ADCY10: variants seen among roughly 807,000 people sequenced by gnomAD.
ADCY10 encodes adenylate cyclase type 10.
Under a neutral mutation model 183.3 loss-of-function variants are expected in ADCY10, and 156 were observed. That is an observed-to-expected ratio of 0.85 (90% confidence interval 0.75 to 0.97). The LOEUF is 0.97. Among genes scored for constraint, ADCY10 ranks in the 50% least tolerant of loss-of-function variants. ADCY10 has a pLI of 0.00. For synonymous variants in ADCY10, 645 were observed against 670.0 expected (o/e 0.96, Z 0.58); for missense variants, 1,745 against 1,934.3 (o/e 0.90, Z 1.84).
At chr1:167,882,420 G>A (rs1001774804) in intron 9 of ADCY10, among the ~76,000 whole-genome samples, 1 of 147,764 alleles carries the variant, frequency 6.8e-6, no homozygotes. Flanking sequence ...GGGAGGCGGA[G>A]GTTTCAGTGA....
intron 26 of ADCY10, among the ~76,000 whole-genome samples, chr1:167,825,700 G>A (rs1164374003): frequency 6.6e-6 from 1 of 152,160 alleles, no homozygotes; most frequent in Non-Finnish European, 1.5e-5. Context: ...TGTTTGGGAG[G>A]ATCACTTGAG....
In ADCY10 at chr1:167,853,830, C is replaced by CTTTTTTTTTTTTTTTTTTT. The variant is rs538462140; in HGVS notation, c.2308+504_2308+522dup. 1.4e-3 allele frequency among the ~76,000 whole-genome samples: 108 copies of CTTTTTTTTTTTTTTTTTTT among 77,186 alleles called. 12 individuals are homozygous for CTTTTTTTTTTTTTTTTTTT. Among genetic ancestry groups the CTTTTTTTTTTTTTTTTTTT allele is most frequent in the Middle Eastern group, 9.1e-3 (1 of 110 alleles). 50.6% of individuals were successfully genotyped at this position (77,186 alleles called of 152,430 possible). ...TGTTCTTTCATTTCTACTATAGTTA[C>CTTTTTTTTTTTTTTTTTTT]TTTTTTTTTTTTTTTTTTTTTTTTT... On this transcript the variant is annotated intron_variant, in intron 18 of 32. Transcript: ENST00000367851.
rs774101745 is a variant in ADCY10, at chr1:167,830,735, T to C, written c.3594-1312A>G. On this transcript the variant is annotated intron_variant, in intron 25 of 32. Coordinates refer to ENST00000367851, the MANE Select transcript of ADCY10 (RefSeq NM_018417.6). Reference sequence around the variant, plus strand: ...TAACTATTGCATTTTGAAAGGAAAATATCTTGGGCCCCCAAAATCACTAAG... The same window carrying C: ...TAACTATTGCATTTTGAAAGGAAAACATCTTGGGCCCCCAAAATCACTAAG... Among the ~76,000 whole-genome samples the C allele has an allele frequency of 3.9e-5, 6 of 152,226 alleles. No individual in the cohort carries two copies. In the South Asian group the frequency reaches 6.2e-4, roughly 16 times the overall value.
chr1:167,872,437 G>A lies in ADCY10; in HGVS notation c.1463-2027C>T, dbSNP rs1014267407. 7.3e-5 allele frequency among the ~76,000 whole-genome samples: 11 copies of A among 151,350 alleles called. No homozygotes were observed. The East Asian group carries it at 9.7e-4, about 13-fold the overall frequency. On this transcript the variant is annotated intron_variant, in intron 13 of 32. Coordinates refer to ENST00000367851, the MANE Select transcript of ADCY10 (RefSeq NM_018417.6). The stretch of plus-strand genomic sequence containing the variant: ...GTTCTATTCATACAGAACACCTACT[G>A]GTAGAACCTTATGGAGTATCTTTAG...
Position 167,818,264 on chromosome 1 carries a change from A to T in ADCY10, c.4290T>A (p.Tyr1430Ter). The T allele has an allele frequency of 6.2e-7, 1 of 1,613,858 alleles. No homozygotes were observed. The highest frequency in any genetic ancestry group is 1.1e-5 in the South Asian group (1 of 91,080). The stretch of plus-strand genomic sequence containing the variant: ...AGTTGTCCCATTCCTGAAGTCTGGC[A>T]TACCTGCATTACCACAAGAGAATAA... ...LGLYSSVAIW[Y>*]ARLQEWDNFY... The change falls in exon 31 of 33, where the codon TAT (tyrosine) becomes TAA (stop). Residue 1430 changes from tyrosine (Y) to a stop codon, truncating the protein, a stop_gained. Transcript: ENST00000367851. LOFTEE classifies it high-confidence loss of function.
Position 167,829,325 on chromosome 1 carries a change from G to A in ADCY10, c.3692C>T (p.Ala1231Val). Reference protein sequence around the residue: ...YSYLFHCKYYAHLAVMMQMNT... With the variant: ...YSYLFHCKYYVHLAVMMQMNT... The stretch of plus-strand genomic sequence containing the variant: ...CATTTGCATCATAACTGCCAGGTGG[G>A]CATAATACTTGCAGTGAAAAAGATA... The change falls in exon 26 of 33, where the codon GCC (alanine) becomes GTC (valine). Residue 1231 changes from alanine to valine, a missense_variant. By Grantham distance (64) the Ala-to-Val change is moderately conservative. Coordinates refer to ENST00000367851, the MANE Select transcript of ADCY10 (RefSeq NM_018417.6). 1 of 1,614,116 alleles carries A rather than the reference G, an allele frequency of 6.2e-7. No individual in the cohort carries two copies. The highest frequency in any genetic ancestry group is 1.1e-5 in the South Asian group (1 of 91,082).
At chr1:167,832,343 A>T (rs1390243589) in intron 25 of ADCY10, among the ~76,000 whole-genome samples, 2 of 152,158 alleles carry the variant, frequency 1.3e-5, no homozygotes, top group East Asian at 3.9e-4. Context: ...TGCACTCAAC[A>T]CCTACCTTCA....
intron 30 of ADCY10, among the ~76,000 whole-genome samples, chr1:167,819,711 C>A (rs769240830): frequency 1.1e-4 from 17 of 151,916 alleles, no homozygotes; most frequent in Non-Finnish European, 2.1e-4. Context: ...TACAGGCATG[C>A]GCCACCATGC....
intron 1 of ADCY10, among the ~76,000 whole-genome samples, chr1:167,910,172 C>T (rs1267551400): frequency 6.6e-6 from 1 of 152,210 alleles, no homozygotes; most frequent in Non-Finnish European, 1.5e-5. Context: ...TTGTCTGTGG[C>T]TCGTCCTGCT....
At chr1:167,825,650 T>A (rs1663231272) in intron 26 of ADCY10, among the ~76,000 whole-genome samples, 1 of 152,086 alleles carries the variant, frequency 6.6e-6, no homozygotes, top group South Asian at 2.1e-4. Context: ...GCCAGCATGA[T>A]GACACAAGCC....
intron 16 of ADCY10, among the ~76,000 whole-genome samples, chr1:167,858,555 A>G (rs1666069620): frequency 6.6e-6 from 1 of 151,660 alleles, no homozygotes; most frequent in Admixed American, 6.6e-5. Flanking sequence ...AGAGAGAAAC[A>G]GATATATAAG....
intron 1 of ADCY10, among the ~76,000 whole-genome samples, chr1:167,912,813 A>T (rs937818434): frequency 6.6e-6 from 1 of 152,204 alleles, no homozygotes; most frequent in African/African-American, 2.4e-5. Flanking sequence ...AATTCTACAT[A>T]GGTTGCCTCA....
chr1:167,913,439 T>A (rs991900083), intron 1 of ADCY10, among the ~76,000 whole-genome samples: 2 of 152,226 alleles, frequency 1.3e-5, no homozygotes, highest in African/African-American at 4.8e-5. Context: ...GGCACAGTGT[T>A]ACCTGTCATG....
At position 167,846,012 on chromosome 1, in the gene ADCY10, A is replaced by G. The variant is rs1055846495; in HGVS notation, c.2689T>C (p.Leu897=). The change falls in exon 20 of 33, where the codon TTG becomes CTG. Residue 897 remains leucine, a synonymous_variant. Transcript: ENST00000367851. ...DPSFEVHYRS[L]SLKPSEGMDH... is the part of the protein sequence containing the mutation. ...ATCCCTTCACTGGGCTTCAGAGACA[A>G]GGAACGATAGTGCACCTCAAATGAG... The G allele has an allele frequency of 8.1e-6, 13 of 1,614,222 alleles. No homozygotes were observed. Among genetic ancestry groups the G allele is most frequent in the Non-Finnish European group, 1.0e-5 (12 of 1,180,028 alleles).
At chr1:167,830,453 A>G (rs1303147911) in intron 25 of ADCY10, among the ~76,000 whole-genome samples, 1 of 151,438 alleles carries the variant, frequency 6.6e-6, no homozygotes, top group Non-Finnish European at 1.5e-5. Context: ...GTGCAGTGGC[A>G]TGATCTCAGC....
At chr1:167,840,853 A>G (rs1664574299) in intron 21 of ADCY10, among the ~76,000 whole-genome samples, 1 of 152,166 alleles carries the variant, frequency 6.6e-6, no homozygotes, top group Non-Finnish European at 1.5e-5. Flanking sequence ...CTAAGACTTT[A>G]GGTTCAAGAT....
In ADCY10 at chr1:167,825,629, A is replaced by T. The variant is rs182809718; in HGVS notation, c.3751-774T>A. Among the ~76,000 whole-genome samples, 162 of 152,116 alleles carry T rather than the reference A, an allele frequency of 1.1e-3. 1 individual carries two copies. Among genetic ancestry groups the T allele is most frequent in the African/African-American group, 3.5e-3 (147 of 41,502 alleles). ...AGACCTGATCTCTACAAAAGATTTT[A>T]AAAAAAAGTAGCCAGCATGATGACA... On this transcript the variant is annotated intron_variant, in intron 26 of 32. Coordinates refer to ENST00000367851, the MANE Select transcript of ADCY10 (RefSeq NM_018417.6).
chr1:167,864,757 C>G (rs1666560085), intron 14 of ADCY10, among the ~76,000 whole-genome samples: 1 of 152,150 alleles, frequency 6.6e-6, no homozygotes, highest in Non-Finnish European at 1.5e-5. Flanking sequence ...CTGTAACACT[C>G]TAATACCACT....
chr1:167,889,366 C>T (rs916838998), intron 8 of ADCY10, among the ~76,000 whole-genome samples: 2 of 152,054 alleles, frequency 1.3e-5, no homozygotes, highest in East Asian at 3.8e-4. Flanking sequence ...GTAGATAAGA[C>T]ATATCACAGT....
Sources: gnomAD v4.1 joint callset for allele counts (sites outside exome capture counted in the v4.1 genomes callset) on GRCh38, gnomAD v4.1.1 for gene constraint, MANE v1.5 for transcripts, NCBI Gene and HGNC (gene_info 2026-07-23, HGNC 2026-07-21) for gene names.